The following PTER variants were observed in gnomAD, a reference collection of about 807,000 sequenced individuals.
PTER encodes the protein phosphotriesterase related.
A neutral mutation model predicts 29.6 loss-of-function variants in PTER; 38 were observed. The ratio of observed to expected loss-of-function variants is 1.28; its 90% CI spans 0.99 to 1.68. PTER has a LOEUF of 1.68. Ranked by LOEUF, PTER falls within the 40% of genes most tolerant of loss-of-function variation. PTER has a pLI of 0.00. For missense variants in PTER, 482 were observed against 427.8 expected (o/e 1.13, Z -1.12); for synonymous variants, 172 against 154.5 (o/e 1.11, Z -0.84).
chr10:16,514,298 G>A (rs1836913941), downstream of PTER: 1 of 566,574 alleles, frequency 1.8e-6, no homozygotes, highest in African/African-American at 1.9e-5. Context: ...CTAACGATAA[G>A]GAGTATTTGC....
At chr10:16,438,420 C>T (rs1025505145) in intron 1 of PTER, among the ~76,000 whole-genome samples, 1 of 151,382 alleles carries the variant, frequency 6.6e-6, no homozygotes, top group African/African-American at 2.4e-5. Flanking sequence ...GCTCAGTCTC[C>T]CACAGGTGCA....
In PTER at chr10:16,449,539, G is replaced by A. The variant is rs372459894; in HGVS notation, c.-49+12492G>A. 2.8e-5 allele frequency among the ~76,000 whole-genome samples: 4 copies of A among 144,224 alleles called. No individual in the cohort carries two copies. The East Asian group carries it at 8.3e-4, about 30-fold the overall frequency. The allele number at this position is 144,224 out of a possible 152,430, so 94.6% of individuals were successfully genotyped here. A position where few individuals can be genotyped will look rare whatever the true frequency, so the allele number is the denominator to read the frequency against. On this transcript the variant is annotated intron_variant, in intron 1 of 4. Transcript: ENST00000535784. Reference sequence around the variant, plus strand: ...CAACCTCCGCCTCTTTGCTTCTGCTGTCCATTACAGTAACAATGCCCACCT... The same window carrying A: ...CAACCTCCGCCTCTTTGCTTCTGCTATCCATTACAGTAACAATGCCCACCT...
intron 3 of PTER, 51 bp from the exon 4 acceptor site, chr10:16,504,969 G>A (rs1836501276): frequency 6.2e-7 from 1 of 1,602,040 alleles, no homozygotes; most frequent in South Asian, 1.1e-5. Context: ...GTATGTACAT[G>A]TGGAAAATGG....
At chr10:16,465,453 A>T (rs7093174) in intron 1 of PTER, among the ~76,000 whole-genome samples, 44,466 of 152,054 alleles carry the variant, frequency 0.29, 6,924 homozygotes, top group South Asian at 0.46. Context: ...TGCCCTGAGA[A>T]CTTAAGACCG....
intron 1 of PTER, among the ~76,000 whole-genome samples, chr10:16,462,521 T>G (rs769334884): frequency 6.6e-6 from 1 of 151,906 alleles, no homozygotes; most frequent in Non-Finnish European, 1.5e-5. Context: ...TTCTCGTCTT[T>G]GCAATTTTTC....
intron 1 of PTER, among the ~76,000 whole-genome samples, chr10:16,456,290 T>A (rs1215562563): frequency 6.6e-6 from 1 of 152,238 alleles, no homozygotes; most frequent in Non-Finnish European, 1.5e-5. Flanking sequence ...TCTGTGATCC[T>A]GTTCTCACTT....
intron 3 of PTER, among the ~76,000 whole-genome samples, chr10:16,501,167 A>G (rs868677525): frequency 2.0e-5 from 3 of 151,514 alleles, no homozygotes; most frequent in Non-Finnish European, 4.4e-5. Flanking sequence ...CTGACCTCAA[A>G]TGATCCACCT....
chr10:16,473,566 G>A (rs534983289), intron 1 of PTER, among the ~76,000 whole-genome samples: 49 of 128,272 alleles, frequency 3.8e-4, no homozygotes, highest in African/African-American at 1.4e-3. Flanking sequence ...TCTCCTGTAA[G>A]CATTCCTGTG....
Position 16,484,509 on chromosome 10 carries a change from C to A in PTER, c.125C>A (p.Pro42Gln). Residue 42 changes from proline to glutamine, a missense_variant, in exon 2 of 5, where the codon CCG becomes CAG. Coordinates refer to ENST00000535784, the MANE Select transcript of PTER (RefSeq NM_001261836.2). The part of the protein sequence containing the change: ...TFDCCYCPPP[P>Q]CQEAISKEPI... ...GACTGCTGTTACTGTCCACCTCCCC[C>A]GTGCCAGGAAGCTATTTCCAAAGAA... The A allele has an allele frequency of 1.9e-6, 3 of 1,614,002 alleles. No individual in the cohort carries two copies. The highest frequency in any genetic ancestry group is 2.5e-6 in the Non-Finnish European group (3 of 1,179,996).
intron 1 of PTER, among the ~76,000 whole-genome samples, chr10:16,457,143 T>A (rs1834431521): frequency 6.6e-6 from 1 of 152,232 alleles, no homozygotes; most frequent in African/African-American, 2.4e-5. Flanking sequence ...TTACATGCGC[T>A]TCATTTCTGC....
intron 2 of PTER, among the ~76,000 whole-genome samples, chr10:16,486,007 A>G (rs565097021): frequency 1.5e-4 from 23 of 152,314 alleles, no homozygotes; most frequent in South Asian, 1.2e-3. Flanking sequence ...CGGTCTTTCT[A>G]TATTCTAGAT....
In PTER at chr10:16,484,628, G is replaced by A. The variant is rs764707858; in HGVS notation, c.244G>A (p.Glu82Lys). The A allele has an allele frequency of 1.2e-6, 2 of 1,614,026 alleles. No individual in the cohort carries two copies. Among genetic ancestry groups the A allele is most frequent in the Admixed American group, 1.7e-5 (1 of 59,992 alleles). ...QLNQETEAIK[E>K]ELLYFKANGG... ...AAATCAGGAGACAGAAGCCATAAAGGAAGAACTGTTGTATTTTAAAGCTAA... is the reference window on the plus strand; with the variant it reads ...AAATCAGGAGACAGAAGCCATAAAGAAAGAACTGTTGTATTTTAAAGCTAA... Residue 82 changes from glutamate (E) to lysine (K), a missense_variant, in exon 2 of 5, where the codon GAA (glutamate) becomes AAA (lysine). By Grantham distance (56) the Glu-to-Lys change is moderately conservative. Transcript: ENST00000535784.
intron 4 of PTER, 36 bp from the exon 5 acceptor site, chr10:16,511,010 G>C: frequency 6.4e-7 from 1 of 1,568,124 alleles, no homozygotes; most frequent in Non-Finnish European, 8.7e-7. Context: ...GAAAATGAAA[G>C]ACAAATGACA....
chr10:16,501,129 C>A (rs937605454), intron 3 of PTER, among the ~76,000 whole-genome samples: 2 of 151,900 alleles, frequency 1.3e-5, no homozygotes, highest in African/African-American at 4.8e-5. Context: ...CAGGGTTTCA[C>A]CATGTTGGCC....
At chr10:16,461,856 A>T (rs748148958) in intron 1 of PTER, among the ~76,000 whole-genome samples, 1 of 152,236 alleles carries the variant, frequency 6.6e-6, no homozygotes, top group South Asian at 2.1e-4. Context: ...CATTATATGC[A>T]TTTCCATTAC....
At chr10:16,517,466 CTTAT>C (rs1474729262), downstream of PTER, among the ~76,000 whole-genome samples, 2 of 152,084 alleles carry the variant, frequency 1.3e-5, no homozygotes, top group African/African-American at 4.8e-5. Context: ...ATTCGAGTGG[CTTAT>C]TTATTATAGT....
chr10:16,503,252 A>G (rs190488585), intron 3 of PTER, among the ~76,000 whole-genome samples: 3 of 151,036 alleles, frequency 2.0e-5, no homozygotes, highest in Non-Finnish European at 4.4e-5. Flanking sequence ...TTTGAGATGG[A>G]GTCTTGCTCT....
At chr10:16,507,966 G>T (rs1836643273) in intron 4 of PTER, among the ~76,000 whole-genome samples, 1 of 152,136 alleles carries the variant, frequency 6.6e-6, no homozygotes, top group Admixed American at 6.5e-5. Flanking sequence ...ATTTAAAATA[G>T]TGCAGTGCAT....
At position 16,512,760 on chromosome 10, in the gene PTER, G is replaced by A. The variant is rs907445803; in HGVS notation, c.*1504G>A. Reference sequence around the variant, plus strand: ...CAAATGTCCTTCACCAGTAAAGCAAGCAAATTTTTAAAATCTCTGTTTTTG... The same window carrying A: ...CAAATGTCCTTCACCAGTAAAGCAAACAAATTTTTAAAATCTCTGTTTTTG... On this transcript the variant is annotated 3_prime_UTR_variant, in exon 5 of 5. Coordinates refer to ENST00000535784, the MANE Select transcript of PTER (RefSeq NM_001261836.2). 6.6e-6 allele frequency: 1 copy of A among 152,264 alleles called. No homozygotes were observed. The highest frequency in any genetic ancestry group is 2.4e-5 in the African/African-American group (1 of 41,380). The allele number at this position is 152,264 out of a possible 1,614,324, so 9.4% of individuals were successfully genotyped here. A position where few individuals can be genotyped will look rare whatever the true frequency, so the allele number is the denominator to read the frequency against.
Sources: gnomAD v4.1 joint callset for allele counts (sites outside exome capture counted in the v4.1 genomes callset) on GRCh38, gnomAD v4.1.1 for gene constraint, MANE v1.5 for transcripts, NCBI Gene and HGNC (gene_info 2026-07-23, HGNC 2026-07-21) for gene names.